SRMS: variants seen among roughly 807,000 people sequenced by gnomAD.
The protein encoded by SRMS is src-related kinase lacking C-terminal regulatory tyrosine and N-terminal myristylation sites.
In SRMS, 42 loss-of-function variants were observed where a neutral mutation model predicts 43.5. The ratio of observed to expected loss-of-function variants is 0.97; its 90% CI spans 0.75 to 1.25. The LOEUF (loss-of-function observed/expected upper bound fraction) is 1.25, where lower values mean the gene tolerates loss of function less well. SRMS is among the 50% of genes most tolerant of loss of function. SRMS has a pLI of 0.00. For missense variants in SRMS, 703 were observed against 681.0 expected (o/e 1.03, Z -0.36); for synonymous variants, 316 against 308.2 (o/e 1.03, Z -0.27).
In SRMS at chr20:63,542,076, G is replaced by GTTC. The variant is rs1423866784; in HGVS notation, c.946+86_946+87insGAA. ...CGGTAGAGAGGCCCGGTTCACCTCGGAAACCCCGCAGGTTCAGCTCTGCGC... is the reference window on the plus strand; with the variant it reads ...CGGTAGAGAGGCCCGGTTCACCTCGGTTCAAACCCCGCAGGTTCAGCTCTGCGC... On this transcript the variant is annotated intron_variant, in intron 5 of 7. Coordinates refer to ENST00000217188, the MANE Select transcript of SRMS (RefSeq NM_080823.4). 4.0e-5 allele frequency: 61 copies of GTTC among 1,523,572 alleles called. No individual in the cohort carries two copies. In the African/African-American group the frequency reaches 7.6e-4, roughly 19 times the overall value. The allele number at this position is 1,523,572 out of a possible 1,614,324, so 94.4% of individuals were successfully genotyped here.
At position 63,540,738 on chromosome 20, in the gene SRMS, C is replaced by A. The variant is rs1327127626; in HGVS notation, c.*80G>T. On this transcript the variant is annotated 3_prime_UTR_variant, in exon 8 of 8. Transcript: ENST00000217188. ...CCAGAGGCTCCTCGGTCCGGCAGAC[C>A]GGCATCCCTTCGAGTTGGCGCTCTG... The A allele has an allele frequency of 6.7e-7, 1 of 1,488,266 alleles. No individual in the cohort carries two copies. Among genetic ancestry groups the A allele is most frequent in the East Asian group, 2.3e-5 (1 of 43,254 alleles). 92.2% of individuals were successfully genotyped at this position (1,488,266 alleles called of 1,614,324 possible).
At chr20:63,543,531 G>A (rs1195570297) in intron 2 of SRMS, 51 bp from the exon 3 acceptor site, 4 of 1,467,834 alleles carry the variant, frequency 2.7e-6, no homozygotes, top group South Asian at 2.4e-5. Context: ...CAGCTGCCCC[G>A]ACCCTCCCAC....
chr20:63,544,273 G>T lies in SRMS; in HGVS notation c.432C>A (p.Phe144Leu). The T allele has an allele frequency of 6.8e-7, 1 of 1,480,738 alleles. No individual in the cohort carries two copies. The highest frequency in any genetic ancestry group is 9.0e-7 in the Non-Finnish European group (1 of 1,116,610). The allele number at this position is 1,480,738 out of a possible 1,614,324, so 91.7% of individuals were successfully genotyped here. ...GGCTGCTCTCGCTGGGCCGGATGAG[G>T]AAGGCCCCTGGTTCGTTGGGTGGGG... Reference protein sequence around the residue: ...LLSPPNEPGAFLIRPSESSLG... With the variant: ...LLSPPNEPGALLIRPSESSLG... The change falls in exon 2 of 8, where the codon TTC becomes TTA. Residue 144 changes from phenylalanine to leucine, a missense_variant. By Grantham distance (22) the Phe-to-Leu change is conservative. Transcript: ENST00000217188.
Position 63,541,087 on chromosome 20 carries a change from G to T in SRMS, c.1286-88C>A, listed in dbSNP as rs1307939313. 3 of 1,581,332 alleles carry T rather than the reference G, an allele frequency of 1.9e-6. No individual in the cohort carries two copies. In the African/African-American group the frequency reaches 4.1e-5, roughly 22 times the overall value. ...CTGTAGCCCCCCATGTCATCTGCCT[G>T]CCCTTGGCCAGACCCTCCAACCCCT... On this transcript the variant is annotated intron_variant, in intron 7 of 7. Coordinates refer to ENST00000217188, the MANE Select transcript of SRMS (RefSeq NM_080823.4).
At chr20:63,547,001 G>T (rs1600948003) in intron 1 of SRMS, 107 bp downstream of exon 1, 5 of 1,053,310 alleles carry the variant, frequency 4.7e-6, no homozygotes, top group South Asian at 1.7e-5. Flanking sequence ...ACGAATGAAT[G>T]AACAGATAGC....
intron 3 of SRMS, 76 bp downstream of exon 3, chr20:63,543,238 C>A: frequency 6.5e-7 from 1 of 1,543,700 alleles, no homozygotes; most frequent in South Asian, 1.2e-5. Context: ...GGTTTTGTGA[C>A]GGGGTGGGGA....
intron 1 of SRMS, among the ~76,000 whole-genome samples, chr20:63,546,511 CCT>C (rs1229680580): frequency 6.6e-6 from 1 of 151,390 alleles, no homozygotes; most frequent in African/African-American, 2.4e-5. Flanking sequence ...AGCGTGGGCC[CCT>C]GTCTCAGCCC....
In SRMS at chr20:63,543,336, AG is replaced by A. The variant is rs1345795088; in HGVS notation, c.622del (p.Leu208CysfsTer58). On this transcript the variant is annotated frameshift_variant, in exon 3 of 8. Transcript: ENST00000217188. LOFTEE classifies it high-confidence loss of function. ...CACCTGGGGCATGCAGGGCTGCAGCAGGGGGTTCTGGATCAGCTTCCAGTTG... is the reference window on the plus strand; with the variant it reads ...CACCTGGGGCATGCAGGGCTGCAGCAGGGGTTCTGGATCAGCTTCCAGTTG... ...KANWKLIQNPLLQPCMPQKAP... is the reference protein window; with the variant it reads ...KANWKLIQNPXLQPCMPQKAP... 3.7e-6 allele frequency: 6 copies of A among 1,612,546 alleles called. No individual in the cohort carries two copies. The highest frequency in any genetic ancestry group is 1.3e-5 in the African/African-American group (1 of 74,948).
rs542975190 is a variant in SRMS at position 63,542,611 on chromosome 20, C to T, written c.646-30G>A. On this transcript the variant is annotated intron_variant, in intron 3 of 7. Coordinates refer to ENST00000217188, the MANE Select transcript of SRMS (RefSeq NM_080823.4). ...AGGGAGGGTGGGCAGGGAGGCTGGTCAGCGTGGGCCCCTGTGCTCTGTCCC... is the reference window on the plus strand; with the variant it reads ...AGGGAGGGTGGGCAGGGAGGCTGGTTAGCGTGGGCCCCTGTGCTCTGTCCC... 16 of 1,584,492 alleles carry T rather than the reference C, an allele frequency of 1.0e-5. No individual in the cohort carries two copies. The East Asian group carries it at 3.6e-4, about 35-fold the overall frequency.
At chr20:63,543,604 G>T in intron 2 of SRMS, 124 bp from the exon 3 acceptor site, 1 of 1,203,692 alleles carries the variant, frequency 8.3e-7, no homozygotes, top group Non-Finnish European at 1.2e-6. Flanking sequence ...GGGACCCTGA[G>T]ATGGTCAGAG....
Position 63,540,857 on chromosome 20 carries a change from CA to C in SRMS, c.1427del (p.Leu476ArgfsTer95), listed in dbSNP as rs755497823. On this transcript the variant is annotated frameshift_variant, in exon 8 of 8. Coordinates refer to ENST00000217188, the MANE Select transcript of SRMS (RefSeq NM_080823.4). LOFTEE classifies it low-confidence loss of function (END_TRUNC). ...TGTGGATGGCGTGCAGCTTCTCCCG[CA>C]GCGTGGCGAAGGAGGGCCGTTCCTC... ...SPEERPSFAT[L>X]REKLHAIHRC... 1 of 1,605,664 alleles carries C rather than the reference CA, an allele frequency of 6.2e-7. No homozygotes were observed. The highest frequency in any genetic ancestry group is 1.1e-5 in the South Asian group (1 of 91,024).
rs938849251 is a variant in SRMS, at chr20:63,540,723, C to T, written c.*95G>A. On this transcript the variant is annotated 3_prime_UTR_variant, in exon 8 of 8. Coordinates refer to ENST00000217188, the MANE Select transcript of SRMS (RefSeq NM_080823.4). ...GCCTGAGGCCCACAGCCAGAGGCTC[C>T]TCGGTCCGGCAGACCGGCATCCCTT... 4.1e-6 allele frequency: 6 copies of T among 1,459,618 alleles called. No homozygotes were observed. Among genetic ancestry groups the T allele is most frequent in the Non-Finnish European group, 5.5e-6 (6 of 1,097,478 alleles). 90.4% of individuals were successfully genotyped at this position (1,459,618 alleles called of 1,614,324 possible). A position where few individuals can be genotyped will look rare whatever the true frequency, so the allele number is the denominator to read the frequency against.
At position 63,547,494 on chromosome 20, in the gene SRMS, C is replaced by A; in HGVS notation, c.-31G>T. 1 of 1,439,172 alleles carries A rather than the reference C, an allele frequency of 6.9e-7. No homozygotes were observed. The highest frequency in any genetic ancestry group is 9.1e-7 in the Non-Finnish European group (1 of 1,093,690). 89.2% of individuals were successfully genotyped at this position (1,439,172 alleles called of 1,614,324 possible). A position where few individuals can be genotyped will look rare whatever the true frequency, so the allele number is the denominator to read the frequency against. Reference sequence around the variant, plus strand: ...GGGGTCACCACGCTGGGCCCGAGGGCCATGGGAGCCCGCGAGCCCGGAAGA... The same window carrying A: ...GGGGTCACCACGCTGGGCCCGAGGGACATGGGAGCCCGCGAGCCCGGAAGA... On this transcript the variant is annotated 5_prime_UTR_variant, in exon 1 of 8. Transcript: ENST00000217188.
chr20:63,539,313 C>T lies in SRMS; in HGVS notation c.*1505G>A, dbSNP rs1248244888. Among the ~76,000 whole-genome samples, 2 of 152,260 alleles carry T rather than the reference C, an allele frequency of 1.3e-5. No individual in the cohort carries two copies. ...CCCGCGCTGCCTCCGTTCTCGGAGC[C>T]TCCGAGTGGCCTCTTCCTTCCCCGG... On this transcript the variant is annotated 3_prime_UTR_variant, in exon 8 of 8. Coordinates refer to ENST00000217188, the MANE Select transcript of SRMS (RefSeq NM_080823.4).
In SRMS at chr20:63,541,720, C is replaced by T. The variant is rs1049932512; in HGVS notation, c.947-100G>A. On this transcript the variant is annotated intron_variant, in intron 5 of 7. Coordinates refer to ENST00000217188, the MANE Select transcript of SRMS (RefSeq NM_080823.4). ...TTCCCCCATGCCTCAGCCTCCTCAT[C>T]TCTAAGACGTGGCGAGGATGGCATG... The T allele has an allele frequency of 3.0e-6, 4 of 1,354,910 alleles. No individual in the cohort carries two copies. In the African/African-American group the frequency reaches 4.4e-5, roughly 15 times the overall value. 83.9% of individuals were successfully genotyped at this position (1,354,910 alleles called of 1,614,324 possible). A position where few individuals can be genotyped will look rare whatever the true frequency, so the allele number is the denominator to read the frequency against.
At position 63,541,569 on chromosome 20, in the gene SRMS, T is replaced by C. The variant is rs747711799; in HGVS notation, c.998A>G (p.Gln333Arg). Residue 333 changes from glutamine to arginine, a missense_variant, in exon 6 of 8, where the codon CAG (glutamine) becomes CGG (arginine). Physicochemically the swap from Gln to Arg is conservative, Grantham distance 43 (BLOSUM62 1). Transcript: ENST00000217188. Reference protein sequence around the residue: ...RLPPLLGFACQVAEGMSYLEE... With the variant: ...RLPPLLGFACRVAEGMSYLEE... ...CAGGTAGCTCATGCCCTCAGCCACC[T>C]GGCAGGCAAAGCCCAGGAGTGGCGG... 4 of 1,579,624 alleles carry C rather than the reference T, an allele frequency of 2.5e-6. No individual in the cohort carries two copies. The highest frequency in any genetic ancestry group is 3.6e-5 in the Admixed American group (2 of 54,992).
At position 63,540,691 on chromosome 20, in the gene SRMS, C is replaced by G. The variant is rs1256626855; in HGVS notation, c.*127G>C. 17 of 1,243,120 alleles carry G rather than the reference C, an allele frequency of 1.4e-5. No individual in the cohort carries two copies. Among genetic ancestry groups the G allele is most frequent in the Non-Finnish European group, 1.9e-5 (17 of 906,802 alleles). The allele number at this position is 1,243,120 out of a possible 1,614,324, so 77.0% of individuals were successfully genotyped here. ...TGCCTGGTGCACGAACATGTGTGCACGCCAGGGCCTGAGGCCCACAGCCAG... is the reference window on the plus strand; with the variant it reads ...TGCCTGGTGCACGAACATGTGTGCAGGCCAGGGCCTGAGGCCCACAGCCAG... On this transcript the variant is annotated 3_prime_UTR_variant, in exon 8 of 8. Coordinates refer to ENST00000217188, the MANE Select transcript of SRMS (RefSeq NM_080823.4).
At chr20:63,543,730 T>C (rs2082716558) in intron 2 of SRMS, 1 of 498,176 alleles carries the variant, frequency 2.0e-6, no homozygotes, top group East Asian at 3.3e-5. Context: ...TAAATACTTG[T>C]AGAATGAATG....
rs894018325 is a variant in SRMS, at chr20:63,538,846, C to G, written c.*1972G>C. Among the ~76,000 whole-genome samples, 4 of 152,096 alleles carry G rather than the reference C, an allele frequency of 2.6e-5. No homozygotes were observed. Among genetic ancestry groups the G allele is most frequent in the Admixed American group, 2.0e-4 (3 of 15,274 alleles). On this transcript the variant is annotated 3_prime_UTR_variant, in exon 8 of 8. Transcript: ENST00000217188. ...AGCCTCGAGTATCCCTGAGTTCGGA[C>G]GTGCAGGACTTTCAGTCTAAGCCAC...
Sources: allele counts gnomAD v4.1 joint callset (sites outside exome capture counted in the v4.1 genomes callset), GRCh38; gene constraint gnomAD v4.1.1; transcripts MANE v1.5; gene names NCBI Gene and HGNC (gene_info 2026-07-23, HGNC 2026-07-21).